Variants in WDR27 observed in about 807,000 individuals in gnomAD.
WDR27 encodes the protein WD repeat domain 27, also known as WD repeat-containing protein 27.
In WDR27, 100 loss-of-function variants were observed where a neutral mutation model predicts 114.4. That is an observed-to-expected ratio of 0.87 (90% CI 0.74 to 1.03). The LOEUF (loss-of-function observed/expected upper bound fraction) is 1.03. Ranked by LOEUF, WDR27 falls within the 50% of genes least tolerant of loss-of-function variation. The pLI is 0.00. For synonymous variants in WDR27, 449 were observed against 423.1 expected (o/e 1.06, Z -0.75); for missense variants, 1,129 against 1,092.9 (o/e 1.03, Z -0.47).
chr6:169,658,501 T>TCCC, intron 12 of WDR27, 143 bp from the exon 13 acceptor site: 1 of 638,784 alleles, frequency 1.6e-6, no homozygotes, highest in Non-Finnish European at 2.8e-6. Flanking sequence ...ATGAAAACTG[T>TCCC]CAAGTGTATT....
intron 25 of WDR27, among the ~76,000 whole-genome samples, chr6:169,503,451 A>G (rs2115495414): frequency 6.6e-6 from 1 of 152,362 alleles, no homozygotes; most frequent in South Asian, 2.1e-4. Context: ...CCTCACCCGT[A>G]CAATGTGTAA....
chr6:169,430,958 A>C, the WDR27 span, among the ~76,000 whole-genome samples: 2 of 152,172 alleles, frequency 1.3e-5, no homozygotes, highest in Non-Finnish European at 2.9e-5. Flanking sequence ...AACTATAGTC[A>C]AGAGACCGGG....
At chr6:169,541,164 T>C (rs142786806) in intron 25 of WDR27, among the ~76,000 whole-genome samples, 191 of 148,188 alleles carry the variant, frequency 1.3e-3, no homozygotes, top group African/African-American at 3.6e-3. Flanking sequence ...GAAATGAGGT[T>C]AAAAAGACAT....
rs567696107 is a variant in WDR27, at chr6:169,647,796, C to T, written c.1634G>A (p.Arg545His). Residue 545 changes from arginine to histidine, a missense_variant, in exon 16 of 26, where the codon CGT becomes CAT. Coordinates refer to ENST00000448612, the MANE Select transcript of WDR27 (RefSeq NM_182552.5). ...ACCTGAGTACTGGATGCAGCATACA[C>T]GTGTGCAGGTGGGGGCGGCAGCGAC... ...PQVAAAPTCT[R>H]VCCIQYSGDG... 72 of 1,584,020 alleles carry T rather than the reference C, an allele frequency of 4.5e-5. No individual in the cohort carries two copies. Among genetic ancestry groups the T allele is most frequent in the Non-Finnish European group, 5.7e-5 (66 of 1,165,676 alleles).
At chr6:169,591,163 G>A (rs866052980) in intron 23 of WDR27, among the ~76,000 whole-genome samples, 7 of 152,170 alleles carry the variant, frequency 4.6e-5, no homozygotes, top group Non-Finnish European at 1.0e-4. Context: ...TATTCTAACA[G>A]GTGTGAGGTG....
chr6:169,654,271 G>C (rs4716337), intron 13 of WDR27, among the ~76,000 whole-genome samples: 46,312 of 152,030 alleles, frequency 0.3, 8,839 homozygotes, highest in East Asian at 0.83. Context: ...ATTACACCAA[G>C]CATTCAGGTA....
chr6:169,540,466 G>T, intron 25 of WDR27, among the ~76,000 whole-genome samples: 1 of 147,734 alleles, frequency 6.8e-6, no homozygotes, highest in Non-Finnish European at 1.5e-5. Context: ...GTCTGGCTCT[G>T]TCACCCAGGC....
chr6:169,639,223 C>CGGGTACTGCGTGGTGCT (rs1818536493), intron 17 of WDR27, among the ~76,000 whole-genome samples: 7 of 87,446 alleles, frequency 8.0e-5, no homozygotes, highest in Middle Eastern at 7.1e-3. Context: ...TGCGTGGTGC[C>CGGGTACTGCGTGGTGCT]GGGTACTGCG....
chr6:169,700,508 C>T (rs908007240), intron 1 of WDR27, among the ~76,000 whole-genome samples: 2 of 152,176 alleles, frequency 1.3e-5, no homozygotes, highest in Non-Finnish European at 2.9e-5. Flanking sequence ...GTGCCTGGCC[C>T]ATAAATTCCT....
intron 25 of WDR27, among the ~76,000 whole-genome samples, chr6:169,548,377 T>G (rs1797718064): frequency 1.3e-5 from 2 of 152,086 alleles, no homozygotes; most frequent in Non-Finnish European, 2.9e-5. Context: ...AAACAATAAT[T>G]TATTGTATTT....
chr6:169,627,402 A>C (rs1266068917), intron 21 of WDR27, among the ~76,000 whole-genome samples: 2 of 152,252 alleles, frequency 1.3e-5, no homozygotes, highest in East Asian at 3.9e-4. Context: ...TTTAAAAGCC[A>C]GAATAAAGCT....
At chr6:169,613,792 AGAATTG>A (rs1811175351) in intron 21 of WDR27, 136 bp from the exon 22 acceptor site, 6 of 751,980 alleles carry the variant, frequency 8.0e-6, no homozygotes, top group Middle Eastern at 3.3e-4. Context: ...TAACAATTTC[AGAATTG>A]GACTCCAAAA....
chr6:169,565,795 G>A (rs978608472), intron 25 of WDR27, among the ~76,000 whole-genome samples: 1 of 152,182 alleles, frequency 6.6e-6, no homozygotes, highest in Non-Finnish European at 1.5e-5. Context: ...GGGACTACAG[G>A]CATGAGCCAC....
At chr6:169,648,577 G>T (rs543709110) in intron 15 of WDR27, among the ~76,000 whole-genome samples, 1 of 152,266 alleles carries the variant, frequency 6.6e-6, no homozygotes, top group East Asian at 1.9e-4. Context: ...CAGTGAATGC[G>T]GGCAAAATCA....
At chr6:169,584,025 G>A (rs372752197) in intron 23 of WDR27, among the ~76,000 whole-genome samples, 12 of 151,250 alleles carry the variant, frequency 7.9e-5, no homozygotes, top group East Asian at 3.9e-4. Flanking sequence ...CTCCATCCTC[G>A]CAGCTGCTGT....
Position 169,647,779 on chromosome 6 carries a change from AC to A in WDR27, c.1650del (p.Gln550HisfsTer25). ...APTCTRVCCI[Q>X]YSGDGQWLAC... ...CCCGCAGGACGTGGCGCACCTGAGT[AC>A]TGGATGCAGCATACACGTGTGCAGG... On this transcript the variant is annotated frameshift_variant, in exon 16 of 26. Coordinates refer to ENST00000448612, the MANE Select transcript of WDR27 (RefSeq NM_182552.5). LOFTEE classifies it high-confidence loss of function. 1.3e-6 allele frequency: 2 copies of A among 1,579,556 alleles called. No individual in the cohort carries two copies. Among genetic ancestry groups the A allele is most frequent in the South Asian group, 1.2e-5 (1 of 85,970 alleles).
intron 18 of WDR27, 151 bp downstream of exon 18, chr6:169,638,388 A>G: frequency 2.2e-6 from 2 of 905,710 alleles, no homozygotes; most frequent in Non-Finnish European, 1.6e-6. Context: ...TTGAAGCAAT[A>G]ACTTTTAATC....
chr6:169,558,507 A>T (rs1799225551), intron 25 of WDR27: 1 of 151,828 alleles, frequency 6.6e-6, no homozygotes, highest in South Asian at 2.1e-4. Context: ...ATGAATGGAG[A>T]CCCGGAGCAC....
chr6:169,587,047 T>C (rs1207979285), intron 23 of WDR27, among the ~76,000 whole-genome samples: 1 of 151,582 alleles, frequency 6.6e-6, no homozygotes, highest in African/African-American at 2.4e-5. Context: ...TCAGCTGCAT[T>C]TGCACAAACC....
Sources: allele counts gnomAD v4.1 joint callset (sites outside exome capture counted in the v4.1 genomes callset), GRCh38; gene constraint gnomAD v4.1.1; transcripts MANE v1.5; gene names NCBI Gene and HGNC (gene_info 2026-07-23, HGNC 2026-07-21).